PDCD7: variants seen among roughly 807,000 people sequenced by gnomAD.
The protein encoded by PDCD7 is programmed cell death protein 7.
PDCD7 carries 40 observed loss-of-function variants against 42.1 expected under a neutral mutation model. The observed-to-expected ratio is 0.95, with a 90% confidence interval of 0.74 to 1.24. The LOEUF is 1.24. Ranked by LOEUF, PDCD7 falls within the 50% of genes most tolerant of loss-of-function variation. The pLI is 0.00. For missense variants in PDCD7, 644 were observed against 662.8 expected (o/e 0.97, Z 0.31); for synonymous variants, 299 against 303.3 (o/e 0.99, Z 0.15).
At chr15:65,131,764 AG>A (rs1400472293) in intron 1 of PDCD7, among the ~76,000 whole-genome samples, 1 of 152,058 alleles carries the variant, frequency 6.6e-6, no homozygotes, top group Non-Finnish European at 1.5e-5. Context: ...AAAGAAAGAA[AG>A]AAAATGCCTT....
At position 65,133,808 on chromosome 15, in the gene PDCD7, T is replaced by C. The variant is rs374500435; in HGVS notation, c.-27A>G. ...TTCACGACGGAGATGCTTTGAGAAGTGACAGGAATCTGAGTGGCTCCTCAT... is the reference window on the plus strand; with the variant it reads ...TTCACGACGGAGATGCTTTGAGAAGCGACAGGAATCTGAGTGGCTCCTCAT... On this transcript the variant is annotated 5_prime_UTR_variant, in exon 1 of 5. Transcript: ENST00000204549. 7.3e-7 allele frequency: 1 copy of C among 1,363,110 alleles called. No individual in the cohort carries two copies. Among genetic ancestry groups the C allele is most frequent in the Non-Finnish European group, 9.5e-7 (1 of 1,056,578 alleles). 84.4% of individuals were successfully genotyped at this position (1,363,110 alleles called of 1,614,324 possible). A position where few individuals can be genotyped will look rare whatever the true frequency, so the allele number is the denominator to read the frequency against.
chr15:65,121,820 C>G (rs1040939920), intron 2 of PDCD7, among the ~76,000 whole-genome samples: 10 of 152,064 alleles, frequency 6.6e-5, no homozygotes, highest in Non-Finnish European at 1.3e-4. Context: ...TTTATGTATT[C>G]TATTTTTGTG....
Position 65,117,497 on chromosome 15 carries a change from C to T in PDCD7, c.*1220G>A, listed in dbSNP as rs2087416562. 1 of 151,614 alleles carries T rather than the reference C, an allele frequency of 6.6e-6. No homozygotes were observed. The highest frequency in any genetic ancestry group is 1.5e-5 in the Non-Finnish European group (1 of 67,902). 9.4% of individuals were successfully genotyped at this position (151,614 alleles called of 1,614,324 possible). A position where few individuals can be genotyped will look rare whatever the true frequency, so the allele number is the denominator to read the frequency against. ...TTATATGAGTGATCATCTCCAAGCA[C>T]AACAGCATTTATTAATGAATATAAA... On this transcript the variant is annotated 3_prime_UTR_variant, in exon 5 of 5. Transcript: ENST00000204549.
chr15:65,132,055 TACAC>T (rs1243706207), intron 1 of PDCD7, among the ~76,000 whole-genome samples: 1 of 149,816 alleles, frequency 6.7e-6, no homozygotes, highest in East Asian at 2.0e-4. Context: ...TACATATATA[TACAC>T]ACATACACAT....
At chr15:65,128,759 G>A (rs909904115) in intron 2 of PDCD7, among the ~76,000 whole-genome samples, 1 of 152,170 alleles carries the variant, frequency 6.6e-6, no homozygotes, top group African/African-American at 2.4e-5. Flanking sequence ...AGTGTGGCCA[G>A]AAATGCCCAG....
Position 65,119,765 on chromosome 15 carries a change from A to T in PDCD7, c.1199T>A (p.Ile400Asn), listed in dbSNP as rs1595926225. The T allele has an allele frequency of 6.2e-7, 1 of 1,612,312 alleles. No homozygotes were observed. The highest frequency in any genetic ancestry group is 8.5e-7 in the Non-Finnish European group (1 of 1,179,598). The change falls in exon 3 of 5, where the codon ATT (isoleucine) becomes AAT (asparagine). Residue 400 changes from isoleucine to asparagine, a missense_variant. By Grantham distance (149) the Ile-to-Asn change is moderately radical. Coordinates refer to ENST00000204549, the MANE Select transcript of PDCD7 (RefSeq NM_005707.2). The stretch of plus-strand genomic sequence containing the variant: ...CTCAATTTCACGTTTCTGAAGTAAA[A>T]TTTTCTCTTTTTCTTTTCTTTGTTT... Reference protein sequence around the residue: ...EKKQRKEKEKILLQKREIESK... With the variant: ...EKKQRKEKEKNLLQKREIESK...
At chr15:65,119,274 T>TA (rs201488755) in intron 4 of PDCD7, 102 bp downstream of exon 4, 9,505 of 554,892 alleles carry the variant, frequency 0.017, no homozygotes, top group South Asian at 0.027. Flanking sequence ...TTATGGAACT[T>TA]AAAAAAAAAA....
At position 65,132,917 on chromosome 15, in the gene PDCD7, T is replaced by G. The variant is rs1315374586; in HGVS notation, c.865A>C (p.Lys289Gln). The change falls in exon 1 of 5, where the codon AAG becomes CAG. Residue 289 changes from lysine (K) to glutamine (Q), a missense_variant. By Grantham distance (53) the Lys-to-Gln change is moderately conservative. Transcript: ENST00000204549. Reference sequence around the variant, plus strand: ...TGAGCGGCCGCTGCTCTCACCCGCTTCTTCTCCTCCACCTCCTGCACACAC... The same window carrying G: ...TGAGCGGCCGCTGCTCTCACCCGCTGCTTCTCCTCCACCTCCTGCACACAC... The part of the protein sequence containing the change: ...VKCVQEVEEK[K>Q]REQELKAAAD... 2.5e-6 allele frequency: 4 copies of G among 1,603,598 alleles called. No homozygotes were observed. In the South Asian group the frequency reaches 3.3e-5, roughly 13 times the overall value.
chr15:65,127,174 G>A (rs991485020), intron 2 of PDCD7, among the ~76,000 whole-genome samples: 1 of 152,032 alleles, frequency 6.6e-6, no homozygotes, highest in South Asian at 2.1e-4. Context: ...AACTTTCAGC[G>A]GGGCCAGGCG....
intron 2 of PDCD7, among the ~76,000 whole-genome samples, chr15:65,125,799 C>T (rs911744829): frequency 7.2e-5 from 11 of 152,102 alleles, no homozygotes; most frequent in Non-Finnish European, 8.8e-5. Context: ...TCTATTCTCA[C>T]GCTGCCAATA....
intron 2 of PDCD7, among the ~76,000 whole-genome samples, chr15:65,125,953 T>C (rs1316118121): frequency 6.6e-6 from 1 of 152,222 alleles, no homozygotes; most frequent in Non-Finnish European, 1.5e-5. Flanking sequence ...AGAGGGCGTG[T>C]GCAAGGAAAC....
At chr15:65,129,997 T>C (rs1275052516) in intron 1 of PDCD7, among the ~76,000 whole-genome samples, 1 of 138,366 alleles carries the variant, frequency 7.2e-6, no homozygotes, top group East Asian at 2.4e-4. Context: ...GATCACAGCA[T>C]CACCATGCCC....
At chr15:65,125,582 T>C (rs2087489265) in intron 2 of PDCD7, among the ~76,000 whole-genome samples, 1 of 152,228 alleles carries the variant, frequency 6.6e-6, no homozygotes, top group Non-Finnish European at 1.5e-5. Flanking sequence ...CCCATGGATG[T>C]TCCTTATTTC....
At chr15:65,127,325 T>A (rs553460805) in intron 2 of PDCD7, among the ~76,000 whole-genome samples, 1 of 151,724 alleles carries the variant, frequency 6.6e-6, no homozygotes, top group African/African-American at 2.4e-5. Context: ...GGCGCGGTGG[T>A]GGGCGCCTGT....
At chr15:65,127,739 T>C (rs955055463) in intron 2 of PDCD7, among the ~76,000 whole-genome samples, 1 of 152,244 alleles carries the variant, frequency 6.6e-6, no homozygotes, top group African/African-American at 2.4e-5. Context: ...ATGATTTTCC[T>C]AAAATTTCCT....
At position 65,133,755 on chromosome 15, in the gene PDCD7, C is replaced by T; in HGVS notation, c.27G>A (p.Gln9=). The change falls in exon 1 of 5, where the codon CAG becomes CAA. Residue 9 remains glutamine (Q), a synonymous_variant. Transcript: ENST00000204549. MALPPFFG[Q]GRPGPPPPQP... ...GCGGGGGCGGTGGGCCTGGGCGACC[C>T]TGGCCGAAGAATGGTGGCAGGGCCA... The T allele has an allele frequency of 2.3e-6, 3 of 1,333,054 alleles. No homozygotes were observed. The highest frequency in any genetic ancestry group is 2.9e-6 in the Non-Finnish European group (3 of 1,039,640). 82.6% of individuals were successfully genotyped at this position (1,333,054 alleles called of 1,614,324 possible).
chr15:65,128,273 G>T (rs368398097), intron 2 of PDCD7, among the ~76,000 whole-genome samples: 1 of 152,310 alleles, frequency 6.6e-6, no homozygotes, highest in East Asian at 1.9e-4. Context: ...GCAACAGGAG[G>T]TTACCTCAGC....
intron 1 of PDCD7, among the ~76,000 whole-genome samples, chr15:65,129,570 TGA>T (rs2087523238): frequency 6.6e-6 from 1 of 152,218 alleles, no homozygotes; most frequent in Non-Finnish European, 1.5e-5. Flanking sequence ...CTGGAAAGGC[TGA>T]GACCTCTACA....
chr15:65,129,878 G>A (rs886396413), intron 1 of PDCD7, among the ~76,000 whole-genome samples: 3 of 149,238 alleles, frequency 2.0e-5, no homozygotes, highest in South Asian at 4.2e-4. Context: ...TGACAAACCC[G>A]CTGCACTCCA....
Sources: allele counts gnomAD v4.1 joint callset (sites outside exome capture counted in the v4.1 genomes callset), GRCh38; gene constraint gnomAD v4.1.1; transcripts MANE v1.5; gene names NCBI Gene and HGNC (gene_info 2026-07-23, HGNC 2026-07-21).